Variants in SYN3 observed in about 807,000 individuals in gnomAD.
SYN3 encodes synapsin-3.
SYN3 carries 35 observed loss-of-function variants against 65.8 expected under a neutral mutation model. That is an observed-to-expected ratio of 0.53 (90% CI 0.41 to 0.70). The LOEUF (loss-of-function observed/expected upper bound fraction) is 0.70. SYN3 is among the 30% of genes least tolerant of loss of function. The pLI is 0.00. For synonymous variants in SYN3, 270 were observed against 292.9 expected (o/e 0.92, Z 0.80); for missense variants, 680 against 749.0 (o/e 0.91, Z 1.08).
At chr22:32,597,104 T>C (rs894590355) in intron 6 of SYN3, among the ~76,000 whole-genome samples, 6 of 151,984 alleles carry the variant, frequency 3.9e-5, no homozygotes, top group Non-Finnish European at 8.8e-5. Flanking sequence ...ATAATAATAG[T>C]ATCCCACGGG....
Position 32,835,332 on chromosome 22 carries a change from C to T in SYN3, c.711+29583G>A, listed in dbSNP as rs574246543. Among the ~76,000 whole-genome samples, 40 of 152,174 alleles carry T rather than the reference C, an allele frequency of 2.6e-4. 1 individual carries two copies. The highest frequency in any genetic ancestry group is 2.1e-4 in the South Asian group (1 of 4,818). On this transcript the variant is annotated intron_variant, in intron 6 of 13. Coordinates refer to ENST00000358763, the MANE Select transcript of SYN3 (RefSeq NM_003490.4). ...TTGTGAGCAAAGCAAGATGTAATTC[C>T]GGCAGAATTTAGTGAGTGTATGGGG...
chr22:32,549,274 G>T (rs1259414441), intron 7 of SYN3, among the ~76,000 whole-genome samples: 4 of 151,410 alleles, frequency 2.6e-5, no homozygotes, highest in Non-Finnish European at 2.9e-5. Context: ...TTTTGTTTGA[G>T]ACAGAGTCTC....
rs2057667457 is a variant in SYN3 at position 32,509,471 on chromosome 22, G to A, written c.*4221C>T. Among the ~76,000 whole-genome samples, 1 of 152,136 alleles carries A rather than the reference G, an allele frequency of 6.6e-6. No homozygotes were observed. The highest frequency in any genetic ancestry group is 2.1e-4 in the South Asian group (1 of 4,826). On this transcript the variant is annotated 3_prime_UTR_variant, in exon 14 of 14. Coordinates refer to ENST00000358763, the MANE Select transcript of SYN3 (RefSeq NM_003490.4). ...ACATGTTTGGAAGGAACAGGTACTAGTCTATGTGACAGAACAGACTATTTT... is the reference window on the plus strand; with the variant it reads ...ACATGTTTGGAAGGAACAGGTACTAATCTATGTGACAGAACAGACTATTTT...
intron 6 of SYN3, among the ~76,000 whole-genome samples, chr22:32,754,170 GAC>G (rs2045224494): frequency 6.7e-6 from 1 of 150,080 alleles, no homozygotes; most frequent in Non-Finnish European, 1.5e-5. Context: ...TTTTCTTTTT[GAC>G]ACAGAGTCTC....
At chr22:32,681,120 G>A (rs977195575) in intron 6 of SYN3, among the ~76,000 whole-genome samples, 13 of 152,028 alleles carry the variant, frequency 8.6e-5, no homozygotes, top group Non-Finnish European at 1.0e-4. Flanking sequence ...TGAAGTGAGG[G>A]AGGAGAGAGT....
At chr22:32,828,519 T>C (rs762652950) in intron 6 of SYN3, among the ~76,000 whole-genome samples, 10 of 152,204 alleles carry the variant, frequency 6.6e-5, no homozygotes, top group Non-Finnish European at 1.0e-4. Flanking sequence ...TCCACTCTTC[T>C]AGATGAGCCT....
intron 6 of SYN3, among the ~76,000 whole-genome samples, chr22:32,768,299 G>T (rs1318618898): frequency 6.6e-6 from 1 of 152,048 alleles, no homozygotes; most frequent in Non-Finnish European, 1.5e-5. Flanking sequence ...TCATTTCTAG[G>T]CTGCTGGAAA....
rs534809898 is a variant in SYN3 at position 32,935,395 on chromosome 22, G to A, written c.370-3914C>T. On this transcript the variant is annotated intron_variant, in intron 3 of 13. Transcript: ENST00000358763. ...TCAGAATTACTTAAATATTCTGCAT[G>A]AGCTAACCTTTTCACCACAAATTAT... 3.3e-5 allele frequency among the ~76,000 whole-genome samples: 5 copies of A among 151,084 alleles called. No homozygotes were observed. The East Asian group carries it at 7.8e-4, about 24-fold the overall frequency.
At chr22:32,597,732 G>A (rs894989261) in intron 6 of SYN3, among the ~76,000 whole-genome samples, 2 of 152,194 alleles carry the variant, frequency 1.3e-5, no homozygotes, top group South Asian at 2.1e-4. Context: ...TTGCTGGGTT[G>A]GTTCCCTGCT....
At chr22:32,906,904 T>C (rs1426416089) in intron 4 of SYN3, among the ~76,000 whole-genome samples, 1 of 152,198 alleles carries the variant, frequency 6.6e-6, no homozygotes, top group Non-Finnish European at 1.5e-5. Flanking sequence ...ATCCAGTCTA[T>C]CATTGATGGG....
At chr22:32,523,487 T>A (rs1170417797) in intron 12 of SYN3, among the ~76,000 whole-genome samples, 2 of 152,158 alleles carry the variant, frequency 1.3e-5, no homozygotes, top group East Asian at 3.8e-4. Context: ...TACTCCAGCC[T>A]GGGCAAAAGA....
intron 6 of SYN3, among the ~76,000 whole-genome samples, chr22:32,605,038 T>C (rs986463692): frequency 6.6e-6 from 1 of 151,358 alleles, no homozygotes; most frequent in Non-Finnish European, 1.5e-5. Flanking sequence ...AATTATACAT[T>C]CATCTTTTTT....
At chr22:32,649,567 A>C (rs1316874030) in intron 6 of SYN3, among the ~76,000 whole-genome samples, 3 of 152,228 alleles carry the variant, frequency 2.0e-5, no homozygotes, top group African/African-American at 7.2e-5. Flanking sequence ...CTCCCAGAAC[A>C]TGCTCTTCTT....
intron 6 of SYN3, among the ~76,000 whole-genome samples, chr22:32,719,220 C>T (rs79516704): frequency 0.058 from 8,798 of 152,246 alleles, 337 homozygotes; most frequent in Non-Finnish European, 0.087. Context: ...ACTTCACCAA[C>T]GGTAAGGTAC....
intron 1 of SYN3, among the ~76,000 whole-genome samples, chr22:33,025,650 A>G (rs920841670): frequency 6.6e-6 from 1 of 151,084 alleles, no homozygotes; most frequent in African/African-American, 2.4e-5. Context: ...AAAAAAAAAA[A>G]GATTTCATCC....
intron 6 of SYN3, among the ~76,000 whole-genome samples, chr22:32,732,079 G>A (rs2061278126): frequency 6.6e-6 from 1 of 152,210 alleles, no homozygotes. Context: ...TTATTATTGT[G>A]TTGTTTTGTT....
At chr22:32,836,395 C>T (rs1451829520) in intron 6 of SYN3, among the ~76,000 whole-genome samples, 8 of 152,184 alleles carry the variant, frequency 5.3e-5, no homozygotes, top group African/African-American at 1.9e-4. Context: ...CACTTCAAGG[C>T]CAGGGCAGGT....
intron 7 of SYN3, among the ~76,000 whole-genome samples, chr22:32,544,312 G>A (rs1465902489): frequency 6.6e-6 from 1 of 152,146 alleles, no homozygotes; most frequent in Non-Finnish European, 1.5e-5. Flanking sequence ...GCTTTTCATT[G>A]ATTCTTTATT....
intron 7 of SYN3, among the ~76,000 whole-genome samples, chr22:32,596,433 T>C (rs768926002): frequency 1.3e-5 from 2 of 152,096 alleles, no homozygotes; most frequent in Non-Finnish European, 2.9e-5. Flanking sequence ...TAGAGAATGA[T>C]TAGTTAGCAA....
Sources: allele counts gnomAD v4.1 joint callset (sites outside exome capture counted in the v4.1 genomes callset), GRCh38; gene constraint gnomAD v4.1.1; transcripts MANE v1.5; gene names NCBI Gene and HGNC (gene_info 2026-07-23, HGNC 2026-07-21).